The following RAB11FIP4 variants were observed in gnomAD, a reference collection of about 807,000 sequenced individuals.
RAB11FIP4 encodes rab11 family-interacting protein 4.
Under a neutral mutation model 74.3 loss-of-function variants are expected in RAB11FIP4, and 23 were observed. The observed-to-expected ratio is 0.31, with a 90% CI of 0.22 to 0.44. The LOEUF is 0.44. Ranked by LOEUF, RAB11FIP4 falls within the 20% of genes least tolerant of loss-of-function variation. The pLI is 1.00. For synonymous variants in RAB11FIP4, 360 were observed against 359.9 expected, an observed-to-expected ratio of 1.00 and a Z score of 0.00; for missense variants, 630 against 863.9, an observed-to-expected ratio of 0.73 and a Z score of 3.39.
intron 1 of RAB11FIP4, among the ~76,000 whole-genome samples, chr17:31,402,815 C>T (rs975843274): frequency 6.0e-4 from 91 of 151,286 alleles, no homozygotes; most frequent in South Asian, 1.3e-3. Flanking sequence ...TTAGTAGAGA[C>T]GGGGTTTCAC....
intron 1 of RAB11FIP4, among the ~76,000 whole-genome samples, chr17:31,395,905 G>A (rs1243847864): frequency 6.6e-6 from 1 of 152,192 alleles, no homozygotes; most frequent in Admixed American, 6.5e-5. Context: ...CAATGGGCCG[G>A]GCGTGGTGGC....
rs113984783 is a variant in RAB11FIP4, at chr17:31,534,970, G to A, written c.*3238G>A. ...CTTCTGGTTCAGCTAGTCCCTGTGC[G>A]TTGAGAGGCTTTAAGAAACTTCTAG... is the stretch of plus-strand genomic sequence containing the variant. On this transcript the variant is annotated 3_prime_UTR_variant, in exon 15 of 15. Transcript: ENST00000621161. The A allele has an allele frequency of 5.8e-4, 89 of 154,462 alleles. 1 individual carries two copies. The highest frequency in any genetic ancestry group is 1.6e-3 in the African/African-American group (66 of 41,630). 9.6% of individuals were successfully genotyped at this position (154,462 alleles called of 1,614,324 possible). A position where few individuals can be genotyped will look rare whatever the true frequency, so the allele number is the denominator to read the frequency against.
chr17:31,435,350 C>T (rs1055033200), intron 3 of RAB11FIP4, among the ~76,000 whole-genome samples: 1 of 152,178 alleles, frequency 6.6e-6, no homozygotes, highest in African/African-American at 2.4e-5. Context: ...GGGACAAAGA[C>T]CACAGTCCCC....
chr17:31,447,013 C>A (rs965922322), intron 3 of RAB11FIP4, among the ~76,000 whole-genome samples: 4 of 151,950 alleles, frequency 2.6e-5, no homozygotes, highest in Middle Eastern at 3.4e-3. Flanking sequence ...AGGCGGGTGC[C>A]GTGGCTCTCG....
Position 31,392,018 on chromosome 17 carries a change from TG to T in RAB11FIP4, c.159+9del. 7.7e-7 allele frequency: 1 copy of T among 1,298,190 alleles called. No homozygotes were observed. Among genetic ancestry groups the T allele is most frequent in the South Asian group, 2.1e-5 (1 of 46,806 alleles). The allele number at this position is 1,298,190 out of a possible 1,614,324, so 80.4% of individuals were successfully genotyped here. ...CTTCGGCCAGGGCGAGGAGGTAAGC[TG>T]GCCCGACCCCAGTCCCGGCCCGGGG... On this transcript the variant is annotated splice_region_variant and intron_variant, in intron 1 of 14. Coordinates refer to ENST00000621161, the MANE Select transcript of RAB11FIP4 (RefSeq NM_032932.6).
At chr17:31,448,392 A>ATTTTTTTTTTTCT (rs2071490085) in intron 3 of RAB11FIP4, 1 of 79,832 alleles carries the variant, frequency 1.3e-5, no homozygotes, top group Non-Finnish European at 2.2e-5. Context: ...CATCCAGCTA[A>ATTTTTTTTTTTCT]TTTTTTTTTT....
chr17:31,471,102 A>T lies in RAB11FIP4; in HGVS notation c.336+36980A>T, dbSNP rs1278837624. 2.7e-5 allele frequency among the ~76,000 whole-genome samples: 4 copies of T among 150,930 alleles called. No homozygotes were observed. The East Asian group carries it at 7.8e-4, about 29-fold the overall frequency. ...TTTTTTGAGATAGGGTTTCACTGCC[A>T]CCCAGGCTGGAGTGCAGGGGTGCGA... On this transcript the variant is annotated intron_variant, in intron 3 of 14. Transcript: ENST00000621161.
chr17:31,525,726 TG>T (rs1178164625), intron 10 of RAB11FIP4: 1 of 162,214 alleles, frequency 6.2e-6, no homozygotes, highest in East Asian at 1.9e-4. Flanking sequence ...TTGGACGTAC[TG>T]GGTCACCTCC....
At chr17:31,480,659 G>A (rs1293215865) in intron 3 of RAB11FIP4, among the ~76,000 whole-genome samples, 2 of 151,780 alleles carry the variant, frequency 1.3e-5, no homozygotes, top group African/African-American at 2.4e-5. Context: ...GTGGTGGCAC[G>A]TGCCTGTGAT....
rs748236621 is a variant in RAB11FIP4, at chr17:31,530,320, C to T, written c.1654-6C>T. ...GTTGATGTCGCCTTCGTCCTTCTCT[C>T]TGTAGGAGAATTATAAGCTGCGGGA... On this transcript the variant is annotated splice_region_variant and splice_polypyrimidine_tract_variant and intron_variant, in intron 13 of 14. Coordinates refer to ENST00000621161, the MANE Select transcript of RAB11FIP4 (RefSeq NM_032932.6). The T allele has an allele frequency of 5.5e-5, 88 of 1,613,834 alleles. No homozygotes were observed. Among genetic ancestry groups the T allele is most frequent in the Non-Finnish European group, 7.2e-5 (85 of 1,179,888 alleles).
At chr17:31,480,222 G>A (rs1432784874) in intron 3 of RAB11FIP4, among the ~76,000 whole-genome samples, 1 of 152,112 alleles carries the variant, frequency 6.6e-6, no homozygotes, top group Admixed American at 6.5e-5. Flanking sequence ...ATCCTTGACA[G>A]ATTACTGCCT....
At chr17:31,510,748 C>T (rs375095344) in intron 3 of RAB11FIP4, among the ~76,000 whole-genome samples, 24 of 152,128 alleles carry the variant, frequency 1.6e-4, no homozygotes, top group African/African-American at 5.3e-4. Flanking sequence ...AAAACCCAGC[C>T]GAGCTGCAGC....
At chr17:31,488,349 G>C in intron 3 of RAB11FIP4, 1 of 1,100,644 alleles carries the variant, frequency 9.1e-7, no homozygotes, top group Non-Finnish European at 1.1e-6. Context: ...CGCGGCCCCG[G>C]GAAGTTGGCG....
intron 9 of RAB11FIP4, chr17:31,524,335 T>C (rs1241338817): frequency 1.3e-5 from 4 of 298,786 alleles, no homozygotes; most frequent in African/African-American, 8.6e-5. Flanking sequence ...AGGGACAAGC[T>C]CTGCAGGGGA....
intron 3 of RAB11FIP4, among the ~76,000 whole-genome samples, chr17:31,461,603 G>C (rs1226695395): frequency 2.0e-5 from 3 of 152,106 alleles, no homozygotes; most frequent in African/African-American, 7.2e-5. Context: ...GTGGTCCATG[G>C]ACTCATGCGT....
chr17:31,482,860 CA>C (rs990612328), intron 3 of RAB11FIP4, among the ~76,000 whole-genome samples: 8 of 152,054 alleles, frequency 5.3e-5, no homozygotes, highest in African/African-American at 1.4e-4. Context: ...AGCCAGCTGC[CA>C]GGGGGGCTTT....
chr17:31,536,925 GC>G lies in RAB11FIP4; in HGVS notation c.*5197del, dbSNP rs1434532175. The G allele has an allele frequency of 2.5e-6, 1 of 398,860 alleles. No homozygotes were observed. Among genetic ancestry groups the G allele is most frequent in the African/African-American group, 2.1e-5 (1 of 48,628 alleles). The allele number at this position is 398,860 out of a possible 1,614,324, so 24.7% of individuals were successfully genotyped here. A position where few individuals can be genotyped will look rare whatever the true frequency, so the allele number is the denominator to read the frequency against. On this transcript the variant is annotated 3_prime_UTR_variant, in exon 15 of 15. Transcript: ENST00000621161. ...GCGAGGTTTCCCATATGACCTCCCT[GC>G]CCCGACCTCGTAGGTTGCTCCTTTC...
At position 31,393,581 on chromosome 17, in the gene RAB11FIP4, C is replaced by T. The variant is rs114523602; in HGVS notation, c.159+1570C>T. Among the ~76,000 whole-genome samples, 593 of 152,340 alleles carry T rather than the reference C, an allele frequency of 3.9e-3. 3 individuals are homozygous for T. Among genetic ancestry groups the T allele is most frequent in the African/African-American group, 0.014 (572 of 41,574 alleles). On this transcript the variant is annotated intron_variant, in intron 1 of 14. Transcript: ENST00000621161. ...AGTTCCTGCCATTAGAACCTTCTCC[C>T]TCATACACTCTAGAGACAGACCTGC... is the stretch of plus-strand genomic sequence containing the variant.
intron 1 of RAB11FIP4, among the ~76,000 whole-genome samples, chr17:31,430,173 A>C (rs2071293588): frequency 6.6e-6 from 1 of 152,090 alleles, no homozygotes; most frequent in African/African-American, 2.4e-5. Flanking sequence ...CAGCTGTCCA[A>C]GTTGTAGGGA....
Sources: gnomAD v4.1 joint callset for allele counts (sites outside exome capture counted in the v4.1 genomes callset) on GRCh38, gnomAD v4.1.1 for gene constraint, MANE v1.5 for transcripts, NCBI Gene and HGNC (gene_info 2026-07-23, HGNC 2026-07-21) for gene names.